GARS1: variants seen among roughly 807,000 people sequenced by gnomAD.
GARS1 encodes glycyl-tRNA synthetase 1, also known as glycine--tRNA ligase.
Under a neutral mutation model 86.4 loss-of-function variants are expected in GARS1, and 46 were observed. The observed-to-expected ratio is 0.53, with a 90% CI of 0.42 to 0.68. The LOEUF (loss-of-function observed/expected upper bound fraction) is 0.68, where lower values mean the gene tolerates loss of function less well. Among genes scored for constraint, GARS1 ranks in the 30% least tolerant of loss-of-function variants. The pLI, the probability that GARS1 is intolerant of heterozygous loss-of-function variation, is 0.00. For synonymous variants in GARS1, 342 were observed against 329.8 expected (o/e 1.04, Z -0.40); for missense variants, 797 against 915.6 (o/e 0.87, Z 1.67).
intron 6 of GARS1, among the ~76,000 whole-genome samples, chr7:30,608,405 T>C (rs1791524200): frequency 6.6e-6 from 1 of 152,228 alleles, no homozygotes; most frequent in African/African-American, 2.4e-5. Context: ...CTTTCTACTC[T>C]AGTAGGACCA....
intron 5 of GARS1, 27 bp from the exon 6 acceptor site, chr7:30,603,469 T>G: frequency 6.4e-7 from 1 of 1,570,622 alleles, no homozygotes; most frequent in Non-Finnish European, 8.8e-7. Flanking sequence ...TCCCATTGAT[T>G]GATATATGTC....
At chr7:30,620,026 C>T (rs1259090684) in intron 10 of GARS1, among the ~76,000 whole-genome samples, 1 of 151,990 alleles carries the variant, frequency 6.6e-6, no homozygotes, top group Non-Finnish European at 1.5e-5. Flanking sequence ...ATCCACCCGC[C>T]TTAGCCTCCC....
chr7:30,594,948 T>G lies in GARS1; in HGVS notation c.27T>G (p.Leu9=), dbSNP rs1791209180. 1 of 1,595,790 alleles carries G rather than the reference T, an allele frequency of 6.3e-7. No homozygotes were observed. The highest frequency in any genetic ancestry group is 8.5e-7 in the Non-Finnish European group (1 of 1,178,126). ...TGCCCTCTCCGCGTCCAGTGCTGCT[T>G]AGAGGTGCTCGCGCCGCTCTGCTGC... MPSPRPVL[L]RGARAALLLL... The change falls in exon 1 of 17, where the codon CTT becomes CTG. Residue 9 remains leucine, a synonymous_variant. Coordinates refer to ENST00000389266, the MANE Select transcript of GARS1 (RefSeq NM_002047.4).
chr7:30,610,336 T>C (rs1791573445), intron 7 of GARS1, among the ~76,000 whole-genome samples: 1 of 152,220 alleles, frequency 6.6e-6, no homozygotes, highest in Non-Finnish European at 1.5e-5. Flanking sequence ...GAATATCTGG[T>C]TAGTTTACAG....
At chr7:30,600,112 C>A in intron 3 of GARS1, 63 bp downstream of exon 3, 2 of 1,177,176 alleles carry the variant, frequency 1.7e-6, no homozygotes, top group Non-Finnish European at 2.5e-6. Flanking sequence ...ATACTTAAAT[C>A]AAGAACATGG....
chr7:30,617,340 A>C (rs556165732), intron 10 of GARS1, 62 bp downstream of exon 10: 1 of 1,566,422 alleles, frequency 6.4e-7, no homozygotes, highest in East Asian at 2.3e-5. Flanking sequence ...ACAGGTACCA[A>C]ATGAATTTTT....
intron 6 of GARS1, among the ~76,000 whole-genome samples, chr7:30,605,100 C>T (rs1237809811): frequency 6.6e-6 from 1 of 152,208 alleles, no homozygotes; most frequent in Non-Finnish European, 1.5e-5. Context: ...AATGGTGTAG[C>T]ACTCAGAAAT....
chr7:30,621,256 T>G, intron 10 of GARS1, 137 bp from the exon 11 acceptor site: 1 of 776,392 alleles, frequency 1.3e-6, no homozygotes, highest in South Asian at 1.5e-5. Context: ...TTCAAATATT[T>G]ATGAAATTTG....
intron 12 of GARS1, 49 bp downstream of exon 12, chr7:30,622,511 A>G (rs1446467976): frequency 1.9e-6 from 3 of 1,605,458 alleles, no homozygotes; most frequent in East Asian, 2.2e-5. Context: ...CAGTTGTGTC[A>G]TCTGCCAGGT....
In GARS1 at chr7:30,617,196, A is replaced by C; in HGVS notation, c.1277A>C (p.Lys426Thr). The C allele has an allele frequency of 1.2e-6, 2 of 1,614,024 alleles. No homozygotes were observed. Among genetic ancestry groups the C allele is most frequent in the Non-Finnish European group, 1.7e-6 (2 of 1,179,906 alleles). Reference protein sequence around the residue: ...YLTKVGISPDKLRFRQHMENE... With the variant: ...YLTKVGISPDTLRFRQHMENE... ...ACGAAGGTTGGAATATCTCCAGATA[A>C]ACTCCGCTTCCGGCAGCACATGGAG... Residue 426 changes from lysine (K) to threonine (T), a missense_variant, in exon 10 of 17, where the codon AAA becomes ACA. Around this residue, in one of 2 missense-constraint regions of GARS1, gnomAD observed 598 missense variants for 738.7 expected, o/e 0.81. Coordinates refer to ENST00000389266, the MANE Select transcript of GARS1 (RefSeq NM_002047.4).
intron 8 of GARS1, 84 bp from the exon 9 acceptor site, chr7:30,615,812 A>G: frequency 7.1e-7 from 1 of 1,405,788 alleles, no homozygotes; most frequent in Non-Finnish European, 1.0e-6. Context: ...ACTAGAATGC[A>G]GTTGAAAATA....
chr7:30,617,232 C>T lies in GARS1; in HGVS notation c.1313C>T (p.Ala438Val). ...RFRQHMENEM[A>V]HYACDCWDAE... ...CGGCAGCACATGGAGAATGAGATGG[C>T]CCATTATGCCTGTGACTGTTGGGAT... is the stretch of plus-strand genomic sequence containing the variant. The change falls in exon 10 of 17, where the codon GCC becomes GTC. Residue 438 changes from alanine to valine, a missense_variant. Around this residue, in one of 2 missense-constraint regions of GARS1, gnomAD observed 598 missense variants for 738.7 expected, o/e 0.81. Transcript: ENST00000389266. 1 of 1,613,946 alleles carries T rather than the reference C, an allele frequency of 6.2e-7. No homozygotes were observed. The highest frequency in any genetic ancestry group is 8.5e-7 in the Non-Finnish European group (1 of 1,179,864).
At chr7:30,599,683 G>A (rs1251737499) in intron 2 of GARS1, among the ~76,000 whole-genome samples, 2 of 152,138 alleles carry the variant, frequency 1.3e-5, no homozygotes, top group Admixed American at 1.3e-4. Context: ...GATTACAGGT[G>A]TGAGCCACCG....
intron 8 of GARS1, among the ~76,000 whole-genome samples, chr7:30,615,134 A>G (rs1562777349): frequency 6.6e-6 from 1 of 152,236 alleles, no homozygotes; most frequent in Non-Finnish European, 1.5e-5. Context: ...ATCGTTAGGT[A>G]ATTAGCTTGA....
At chr7:30,595,429 T>A (rs554267186) in intron 1 of GARS1, among the ~76,000 whole-genome samples, 2 of 152,316 alleles carry the variant, frequency 1.3e-5, no homozygotes, top group South Asian at 4.1e-4. Context: ...TTCCCCATTC[T>A]GTCACAGCCC....
In GARS1 at chr7:30,615,883, T is replaced by G. The variant is rs1584037980; in HGVS notation, c.1032-13T>G. The G allele has an allele frequency of 6.2e-7, 1 of 1,614,046 alleles. No homozygotes were observed. On this transcript the variant is annotated splice_polypyrimidine_tract_variant and intron_variant, in intron 8 of 16. Coordinates refer to ENST00000389266, the MANE Select transcript of GARS1 (RefSeq NM_002047.4). ...TAAATATGCAGGTTTATCGCTTACG[T>G]TTTTGCTTTCAGAGAATTCACAATG...
intron 7 of GARS1, among the ~76,000 whole-genome samples, chr7:30,610,142 G>A (rs1464035581): frequency 2.0e-5 from 3 of 152,188 alleles, no homozygotes; most frequent in Non-Finnish European, 4.4e-5. Flanking sequence ...TGTCCAGTAT[G>A]ATTAGCTACC....
At chr7:30,631,027 G>A in intron 14 of GARS1, 1 of 186,112 alleles carries the variant, frequency 5.4e-6, no homozygotes, top group Non-Finnish European at 1.1e-5. Context: ...TTTGGTTTGG[G>A]TCACTGCCAC....
chr7:30,599,256 C>T (rs916575001), intron 2 of GARS1, among the ~76,000 whole-genome samples: 5 of 152,132 alleles, frequency 3.3e-5, no homozygotes, highest in African/African-American at 1.2e-4. Context: ...TATTTGATAC[C>T]TGCTCCCAGA....
Sources: allele counts gnomAD v4.1 joint callset (sites outside exome capture counted in the v4.1 genomes callset), GRCh38; gene constraint gnomAD v4.1.1; regional missense constraint gnomAD v4.1.1; transcripts MANE v1.5; gene names NCBI Gene and HGNC (gene_info 2026-07-23, HGNC 2026-07-21).